TRMT10B: variants seen among roughly 807,000 people sequenced by gnomAD.
The protein encoded by TRMT10B is tRNA methyltransferase 10B, also known as tRNA methyltransferase 10 homolog B.
A neutral mutation model predicts 43.8 loss-of-function variants in TRMT10B; 33 were observed. That is an observed-to-expected ratio of 0.75 (90% confidence interval 0.57 to 1.01). TRMT10B has a LOEUF of 1.01. TRMT10B is among the 50% of genes least tolerant of loss of function. The pLI, the probability that TRMT10B is intolerant of heterozygous loss-of-function variation, is 0.00. For synonymous variants in TRMT10B, 137 were observed against 130.6 expected, an observed-to-expected ratio of 1.05 and a Z score of -0.34; for missense variants, 362 against 369.8, an observed-to-expected ratio of 0.98 and a Z score of 0.17.
chr9:37,753,099 C>A (rs187598625), upstream of TRMT10B, among the ~76,000 whole-genome samples: 248 of 152,042 alleles, frequency 1.6e-3, 1 homozygote, highest in African/African-American at 5.3e-3. Flanking sequence ...CAGGTGTGCC[C>A]TCTTAAGAGA....
At chr9:37,768,289 A>ATT in intron 5 of TRMT10B, 61 bp downstream of exon 5, 2 of 1,380,018 alleles carry the variant, frequency 1.4e-6, no homozygotes, top group Non-Finnish European at 2.0e-6. Context: ...GGTTAATAGT[A>ATT]TTTTTTTTTT....
At position 37,762,197 on chromosome 9, in the gene TRMT10B, G is replaced by C. The variant is rs1327967885; in HGVS notation, c.186+80G>C. 2.9e-6 allele frequency: 4 copies of C among 1,403,430 alleles called. No individual in the cohort carries two copies. In the East Asian group the frequency reaches 9.6e-5, roughly 34 times the overall value. 86.9% of individuals were successfully genotyped at this position (1,403,430 alleles called of 1,614,324 possible). A position where few individuals can be genotyped will look rare whatever the true frequency, so the allele number is the denominator to read the frequency against. ...ACCCCTGTTTTAAAGATGGATACTG[G>C]TAGTGAAAAGAGAGACGGAATGAGT... On this transcript the variant is annotated intron_variant, in intron 2 of 8. Coordinates refer to ENST00000297994, the MANE Select transcript of TRMT10B (RefSeq NM_144964.4).
At chr9:37,754,991 T>G (rs1012987793) in intron 1 of TRMT10B, among the ~76,000 whole-genome samples, 1 of 151,880 alleles carries the variant, frequency 6.6e-6, no homozygotes, top group African/African-American at 2.4e-5. Context: ...GGTCACAGGG[T>G]CGGGTGTGGT....
intron 3 of TRMT10B, among the ~76,000 whole-genome samples, chr9:37,763,173 A>AAAAC (rs1396787598): frequency 0.011 from 1,579 of 138,354 alleles, 28 homozygotes; most frequent in Non-Finnish European, 0.014. Flanking sequence ...AAACAAAAAA[A>AAAAC]AAAATTTAAG....
intron 1 of TRMT10B, among the ~76,000 whole-genome samples, chr9:37,758,531 A>G (rs1825957570): frequency 6.6e-6 from 1 of 152,172 alleles, no homozygotes; most frequent in South Asian, 2.1e-4. Flanking sequence ...TATAAAATTA[A>G]AGGCTCAGTT....
intron 1 of TRMT10B, among the ~76,000 whole-genome samples, chr9:37,757,357 T>C (rs1368544771): frequency 6.6e-6 from 1 of 152,240 alleles, no homozygotes; most frequent in Non-Finnish European, 1.5e-5. Flanking sequence ...ATTACAGGCA[T>C]GAGCTTCTGC....
intron 7 of TRMT10B, among the ~76,000 whole-genome samples, chr9:37,771,851 A>AG (rs1183021837): frequency 2.0e-5 from 3 of 151,596 alleles, no homozygotes; most frequent in South Asian, 2.1e-4. Context: ...CTGCCTCCTG[A>AG]GGTGTAGTAT....
In TRMT10B at chr9:37,763,753, G is replaced by A; in HGVS notation, c.420G>A (p.Lys140=). ...DLSMTHYMSK[K]ELSRLAGQIR... ...GTATGACCCACTACATGTCAAAGAA[G>A]GTAGAACATCCACTAAGCCTGGAAT... The change falls in exon 4 of 9, where the codon AAG becomes AAA. Residue 140 remains lysine, a splice_region_variant and synonymous_variant. Coordinates refer to ENST00000297994, the MANE Select transcript of TRMT10B (RefSeq NM_144964.4). 6.2e-7 allele frequency: 1 copy of A among 1,613,908 alleles called. No individual in the cohort carries two copies.
rs1210085205 is a variant in TRMT10B at position 37,764,416 on chromosome 9, G to A, written c.420+663G>A. ...GGCTCACTGCAAGCTCCACCTCCTGGGTTGACGCCATTCTTGTGCCTCAGC... is the reference window on the plus strand; with the variant it reads ...GGCTCACTGCAAGCTCCACCTCCTGAGTTGACGCCATTCTTGTGCCTCAGC... On this transcript the variant is annotated intron_variant, in intron 4 of 8. Coordinates refer to ENST00000297994, the MANE Select transcript of TRMT10B (RefSeq NM_144964.4). 2.0e-5 allele frequency among the ~76,000 whole-genome samples: 3 copies of A among 150,060 alleles called. No individual in the cohort carries two copies. In the East Asian group the frequency reaches 5.9e-4, roughly 29 times the overall value.
chr9:37,770,474 T>C (rs1309148991), intron 6 of TRMT10B, among the ~76,000 whole-genome samples, 198 bp from the exon 7 acceptor site: 1 of 152,260 alleles, frequency 6.6e-6, no homozygotes, highest in East Asian at 1.9e-4. Flanking sequence ...GCTACCCTTT[T>C]TCGTGATTAG....
intron 1 of TRMT10B, among the ~76,000 whole-genome samples, chr9:37,755,712 A>G (rs1211720941): frequency 6.6e-6 from 1 of 152,212 alleles, no homozygotes; most frequent in African/African-American, 2.4e-5. Context: ...TGCATCCCAA[A>G]TTCCTGGTTT....
At chr9:37,753,035 C>T (rs531865226), upstream of TRMT10B, among the ~76,000 whole-genome samples, 10 of 152,202 alleles carry the variant, frequency 6.6e-5, no homozygotes, top group South Asian at 2.1e-4. Context: ...GTATTTGCAG[C>T]TCTTTCTTGA....
chr9:37,761,528 T>C (rs1282813447), intron 1 of TRMT10B, among the ~76,000 whole-genome samples: 2 of 152,070 alleles, frequency 1.3e-5, no homozygotes, highest in Non-Finnish European at 2.9e-5. Flanking sequence ...GTGAAACCCA[T>C]CTCTACTAAA....
At chr9:37,774,415 C>A (rs964907150) in intron 7 of TRMT10B, among the ~76,000 whole-genome samples, 2 of 152,182 alleles carry the variant, frequency 1.3e-5, no homozygotes, top group African/African-American at 4.8e-5. Context: ...TGAAAAATAA[C>A]TGGAAGATTT....
chr9:37,769,281 C>T (rs913165501), intron 5 of TRMT10B, among the ~76,000 whole-genome samples: 2 of 128,092 alleles, frequency 1.6e-5, no homozygotes, highest in Non-Finnish European at 3.1e-5. Context: ...GCACTCCAGC[C>T]TGGGTGACAG....
intron 4 of TRMT10B, among the ~76,000 whole-genome samples, chr9:37,764,941 C>T (rs752261271): frequency 6.6e-6 from 1 of 152,020 alleles, no homozygotes; most frequent in Non-Finnish European, 1.5e-5. Flanking sequence ...GAATGAACAG[C>T]AAGGGGCTGT....
chr9:37,778,882 T>TTTGTC lies in TRMT10B; in HGVS notation c.*1175_*1176insTTGTC, dbSNP rs1432420176. 1.3e-5 allele frequency: 2 copies of TTTGTC among 152,220 alleles called. No individual in the cohort carries two copies. The highest frequency in any genetic ancestry group is 4.8e-5 in the African/African-American group (2 of 41,452). The allele number at this position is 152,220 out of a possible 1,614,324, so 9.4% of individuals were successfully genotyped here. A position where few individuals can be genotyped will look rare whatever the true frequency, so the allele number is the denominator to read the frequency against. The stretch of plus-strand genomic sequence containing the variant: ...AATGGTAGGATCCTAACAGGACAAA[T>TTTGTC]CTGTGTACCTATCTTTCTATCCTCC... On this transcript the variant is annotated 3_prime_UTR_variant, in exon 9 of 9. Transcript: ENST00000297994.
intron 1 of TRMT10B, among the ~76,000 whole-genome samples, chr9:37,757,184 A>G (rs1451439490): frequency 6.6e-6 from 1 of 152,154 alleles, no homozygotes; most frequent in African/African-American, 2.4e-5. Context: ...CCTGGGTTCA[A>G]GCGATCTTCT....
chr9:37,765,615 C>T (rs1826904621), intron 4 of TRMT10B, among the ~76,000 whole-genome samples: 1 of 152,196 alleles, frequency 6.6e-6, no homozygotes, highest in Non-Finnish European at 1.5e-5. Context: ...AATGGGATGG[C>T]TGGGTCAAAT....
Sources: gnomAD v4.1 joint callset for allele counts (sites outside exome capture counted in the v4.1 genomes callset) on GRCh38, gnomAD v4.1.1 for gene constraint, MANE v1.5 for transcripts, NCBI Gene and HGNC (gene_info 2026-07-23, HGNC 2026-07-21) for gene names.